The following HOXC4 variants were observed in gnomAD, a reference collection of about 807,000 sequenced individuals.
HOXC4 encodes homeobox C4.
HOXC4 carries 15 observed loss-of-function variants against 25.5 expected under a neutral mutation model. That is an observed-to-expected ratio of 0.59 (90% CI 0.39 to 0.91). The LOEUF (loss-of-function observed/expected upper bound fraction) is 0.91, where lower values mean the gene tolerates loss of function less well. Among genes scored for constraint, HOXC4 ranks in the 40% least tolerant of loss-of-function variants. The pLI, the probability that HOXC4 is intolerant of heterozygous loss-of-function variation, is 0.00. For missense variants in HOXC4, 342 were observed against 352.4 expected, an observed-to-expected ratio of 0.97 and a Z score of 0.24; for synonymous variants, 165 against 148.0, an observed-to-expected ratio of 1.11 and a Z score of -0.83.
intron 1 of HOXC4, chr12:54,028,644 A>G: frequency 6.2e-7 from 1 of 1,613,918 alleles, no homozygotes; most frequent in East Asian, 2.2e-5. Context: ...CGACCTATGG[A>G]GCGGCCGTTG....
intron 1 of HOXC4, among the ~76,000 whole-genome samples, chr12:54,039,943 T>C (rs926818015): frequency 3.2e-4 from 49 of 152,156 alleles, no homozygotes; most frequent in Non-Finnish European, 5.9e-5. Flanking sequence ...CTTGAGCCCT[T>C]TGATGACTTC....
At chr12:54,051,800 G>C (rs529767730), upstream of HOXC4, among the ~76,000 whole-genome samples, 2 of 152,190 alleles carry the variant, frequency 1.3e-5, no homozygotes, top group Admixed American at 6.5e-5. Flanking sequence ...GGGCCCAGGC[G>C]GGAATCCGCA....
Position 54,055,031 on chromosome 12 carries a change from T to C in HOXC4, c.621T>C (p.Arg207=). ...ERQIKIWFQN[R]RMKWKKDHRL... is the part of the protein sequence containing the mutation. ...AGATCAAAATCTGGTTCCAAAACCG[T>C]CGCATGAAATGGAAGAAGGACCACC... Residue 207 remains arginine (R), a synonymous_variant, in exon 2 of 2, where the codon CGT becomes CGC. Coordinates refer to ENST00000430889, the MANE Select transcript of HOXC4 (RefSeq NM_153633.3). 1 of 1,613,738 alleles carries C rather than the reference T, an allele frequency of 6.2e-7. No homozygotes were observed.
At chr12:54,042,765 A>AAGACGATGCTG (rs1941295239) in intron 1 of HOXC4, among the ~76,000 whole-genome samples, 1 of 152,116 alleles carries the variant, frequency 6.6e-6, no homozygotes, top group Non-Finnish European at 1.5e-5. Flanking sequence ...ATTTAAGGAG[A>AAGACGATGCTG]AGACGATGCT....
chr12:54,052,973 C>G (rs996089663), upstream of HOXC4, among the ~76,000 whole-genome samples: 21 of 152,186 alleles, frequency 1.4e-4, no homozygotes, highest in Non-Finnish European at 2.6e-4. Flanking sequence ...AGCTCTCCTC[C>G]TTGCCCCAGC....
chr12:54,026,712 C>T (rs988094973), intron 1 of HOXC4, among the ~76,000 whole-genome samples: 20 of 152,318 alleles, frequency 1.3e-4, no homozygotes, highest in African/African-American at 4.8e-4. Flanking sequence ...ATGTTGTCTC[C>T]ACCAGCTCCT....
rs1937943940 is a variant in HOXC4 at position 54,055,103 on chromosome 12, G to T, written c.693G>T (p.Ala231=). ...GGTCAGCACCCCCGGCCGGCGCTGC[G>T]CCCAGCACCCTTTCGGCAGCTACCC... The part of the protein sequence containing the change: ...KVRSAPPAGA[A]PSTLSAATPG... The change falls in exon 2 of 2, where the codon GCG becomes GCT. Residue 231 remains alanine (A), a synonymous_variant. Transcript: ENST00000430889. 6.2e-7 allele frequency: 1 copy of T among 1,612,892 alleles called. No individual in the cohort carries two copies. The highest frequency in any genetic ancestry group is 2.2e-5 in the East Asian group (1 of 44,830).
At chr12:54,034,195 TG>T in intron 1 of HOXC4, 4 of 1,270,942 alleles carry the variant, frequency 3.1e-6, no homozygotes, top group Non-Finnish European at 4.5e-6. Context: ...CGGCCGCGGG[TG>T]GGGGCCTGGG....
At chr12:54,017,927 G>T (rs966859499) in intron 1 of HOXC4, among the ~76,000 whole-genome samples, 1 of 152,056 alleles carries the variant, frequency 6.6e-6, no homozygotes, top group Non-Finnish European at 1.5e-5. Context: ...CCCAGAGAGC[G>T]CGACTGCTAG....
rs374709422 is a variant in HOXC4 at position 54,053,915 on chromosome 12, A to G, written c.-8A>G. On this transcript the variant is annotated 5_prime_UTR_variant, in exon 1 of 2. Transcript: ENST00000430889. ...AGCGAGAAAAATTATTTTCCACTCC[A>G]GAAATTAATGATCATGAGCTCGTAT... 28 of 1,595,008 alleles carry G rather than the reference A, an allele frequency of 1.8e-5. No homozygotes were observed. Among genetic ancestry groups the G allele is most frequent in the Middle Eastern group, 1.7e-4 (1 of 6,028 alleles).
chr12:54,034,356 G>T, intron 1 of HOXC4: 2 of 1,614,196 alleles, frequency 1.2e-6, no homozygotes, highest in South Asian at 1.1e-5. Context: ...CACTTTAACC[G>T]CTACCTCACT....
intron 1 of HOXC4, chr12:54,028,665 G>T (rs201730816): frequency 9.3e-6 from 15 of 1,613,894 alleles, no homozygotes; most frequent in African/African-American, 1.3e-5. Flanking sequence ...CCCAGAACCG[G>T]ATCTACTCGA....
At chr12:54,050,359 G>C (rs1937816923), upstream of HOXC4, among the ~76,000 whole-genome samples, 1 of 152,220 alleles carries the variant, frequency 6.6e-6, no homozygotes, top group African/African-American at 2.4e-5. Context: ...GGCAATTGCA[G>C]AGAGCATTTG....
chr12:54,039,642 C>T (rs1488119708), intron 1 of HOXC4, among the ~76,000 whole-genome samples: 4 of 152,118 alleles, frequency 2.6e-5, no homozygotes, highest in African/African-American at 7.2e-5. Context: ...TCTCTCCTTC[C>T]CTCTAGTCTG....
chr12:54,055,275 T>G lies in HOXC4; in HGVS notation c.*70T>G. ...CCTCACACACAAATTGACTCTTATT[T>G]ATAGAATTTAATATATATATATATA... On this transcript the variant is annotated 3_prime_UTR_variant, in exon 2 of 2. Transcript: ENST00000430889. 2.1e-6 allele frequency: 1 copy of G among 467,548 alleles called. No homozygotes were observed. Among genetic ancestry groups the G allele is most frequent in the Non-Finnish European group, 3.6e-6 (1 of 279,892 alleles). 29.0% of individuals were successfully genotyped at this position (467,548 alleles called of 1,614,324 possible).
chr12:54,050,034 C>G (rs951058298), upstream of HOXC4, among the ~76,000 whole-genome samples: 9 of 152,096 alleles, frequency 5.9e-5, no homozygotes, highest in Non-Finnish European at 1.3e-4. Flanking sequence ...CCTCATTTTC[C>G]TTCCCTTTGC....
chr12:54,034,636 T>G, intron 1 of HOXC4: 4 of 656,172 alleles, frequency 6.1e-6, no homozygotes, highest in Non-Finnish European at 7.8e-6. Context: ...AAAGCGCTTT[T>G]CCTTGGCATT....
At chr12:54,052,415 C>T (rs1937866594), upstream of HOXC4, among the ~76,000 whole-genome samples, 1 of 152,108 alleles carries the variant, frequency 6.6e-6, no homozygotes, top group African/African-American at 2.4e-5. Context: ...ATAGCTGAGC[C>T]CTGGCAAGCT....
intron 1 of HOXC4, among the ~76,000 whole-genome samples, chr12:54,031,698 G>T (rs1000712272): frequency 6.6e-6 from 1 of 152,138 alleles, no homozygotes; most frequent in Non-Finnish European, 1.5e-5. Context: ...CCCCACCCTC[G>T]CCTCCAGTGC....
Sources: gnomAD v4.1 joint callset for allele counts (sites outside exome capture counted in the v4.1 genomes callset) on GRCh38, gnomAD v4.1.1 for gene constraint, MANE v1.5 for transcripts, NCBI Gene and HGNC (gene_info 2026-07-23, HGNC 2026-07-21) for gene names.